The following SLC2A14 variants were observed in gnomAD, a reference collection of about 807,000 sequenced individuals.
SLC2A14 encodes the protein solute carrier family 2, facilitated glucose transporter member 14.
Under a neutral mutation model 43.0 loss-of-function variants are expected in SLC2A14, and 13 were observed. That is an observed-to-expected ratio of 0.30 (90% confidence interval 0.20 to 0.48). The LOEUF is 0.48. Among genes scored for constraint, SLC2A14 ranks in the 20% least tolerant of loss-of-function variants. The pLI is 0.99. For missense variants in SLC2A14, 428 were observed against 620.4 expected, an observed-to-expected ratio of 0.69 and a Z score of 3.29; for synonymous variants, 190 against 233.8, an observed-to-expected ratio of 0.81 and a Z score of 1.71.
intron 2 of SLC2A14, among the ~76,000 whole-genome samples, chr12:7,840,098 C>A (rs1865814980): frequency 7.4e-6 from 1 of 134,600 alleles, no homozygotes; most frequent in South Asian, 2.4e-4. Context: ...GGAGACAGAG[C>A]CAGACCCTGT....
chr12:7,883,590 C>CTTTTTTTTTTTTT (rs1204450230), intron 1 of SLC2A14, among the ~76,000 whole-genome samples: 7 of 95,212 alleles, frequency 7.4e-5, no homozygotes, highest in African/African-American at 2.3e-4. Context: ...TTTTTCTTTT[C>CTTTTTTTTTTTTT]TTTTTTTTTT....
intron 1 of SLC2A14, chr12:7,871,887 C>T (rs1945254387): frequency 2.0e-6 from 2 of 984,572 alleles, no homozygotes; most frequent in Non-Finnish European, 2.4e-6. Context: ...AGCAGCCACC[C>T]ATCGTGGGAG....
At chr12:7,850,708 T>G (rs1866864836) in intron 2 of SLC2A14, 1 of 152,216 alleles carries the variant, frequency 6.6e-6, no homozygotes, top group Non-Finnish European at 1.5e-5. Context: ...ATTTATTATT[T>G]ATTTATTTTT....
At chr12:7,890,164 A>AT (rs1945750977) in intron 1 of SLC2A14, among the ~76,000 whole-genome samples, 1 of 151,896 alleles carries the variant, frequency 6.6e-6, no homozygotes, top group Non-Finnish European at 1.5e-5. Context: ...TTTCAGCCTC[A>AT]TTTTACCCAG....
intron 10 of SLC2A14, 138 bp downstream of exon 10, chr12:7,817,693 A>T: frequency 9.6e-7 from 1 of 1,036,992 alleles, no homozygotes; most frequent in Non-Finnish European, 1.4e-6. Context: ...CTTGTCAGTG[A>T]GCTGAGATCG....
At chr12:7,882,408 A>C (rs1945598532) in intron 1 of SLC2A14, among the ~76,000 whole-genome samples, 1 of 151,800 alleles carries the variant, frequency 6.6e-6, no homozygotes, top group South Asian at 2.1e-4. Flanking sequence ...CTGTAACACT[A>C]ACCGCGAGGG....
intron 2 of SLC2A14, among the ~76,000 whole-genome samples, chr12:7,840,455 C>T (rs1242420736): frequency 2.6e-5 from 4 of 152,128 alleles, no homozygotes; most frequent in African/African-American, 9.7e-5. Flanking sequence ...TTTCGGCTCA[C>T]TGCAACCTCC....
chr12:7,876,828 C>T (rs1206546043), upstream of SLC2A14, among the ~76,000 whole-genome samples: 1 of 151,736 alleles, frequency 6.6e-6, no homozygotes, highest in East Asian at 1.9e-4. Flanking sequence ...TGGTGGCATA[C>T]GCCTGTAGTC....
intron 1 of SLC2A14, among the ~76,000 whole-genome samples, chr12:7,881,916 T>C (rs1456633631): frequency 6.6e-6 from 1 of 152,094 alleles, no homozygotes; most frequent in African/African-American, 2.4e-5. Flanking sequence ...GATGGGGACA[T>C]GGATAACTTT....
intron 2 of SLC2A14, among the ~76,000 whole-genome samples, chr12:7,861,381 T>C (rs1483985430): frequency 6.6e-6 from 1 of 152,146 alleles, no homozygotes; most frequent in Non-Finnish European, 1.5e-5. Context: ...ATTTCTGCTG[T>C]CTATTATCTG....
intron 7 of SLC2A14, among the ~76,000 whole-genome samples, chr12:7,827,042 CCTTTCTCTCTCTCTCTTT>C (rs1268065831): frequency 2.2e-5 from 3 of 136,570 alleles, no homozygotes; most frequent in African/African-American, 5.5e-5. Context: ...CTCTTTCTCT[CCTTTCTCTCTCTCTCTTT>C]CTTTCTCTCT....
intron 1 of SLC2A14, among the ~76,000 whole-genome samples, chr12:7,885,554 G>GTT (rs35993511): frequency 1.3e-3 from 188 of 148,676 alleles, no homozygotes; most frequent in Middle Eastern, 3.5e-3. Context: ...AAATTGGTAA[G>GTT]TTTTTTTTTT....
chr12:7,863,472 A>G (rs745808497), intron 2 of SLC2A14: 13 of 450,576 alleles, frequency 2.9e-5, no homozygotes, highest in Admixed American at 1.7e-4. Context: ...TAAAAATACA[A>G]AAAAATTAGC....
At chr12:7,840,048 C>T (rs1334834485) in intron 2 of SLC2A14, 1 of 322,654 alleles carries the variant, frequency 3.1e-6, no homozygotes, top group Non-Finnish European at 6.0e-6. Flanking sequence ...GGAGGTCAAG[C>T]CTGCAGTGAG....
chr12:7,826,853 C>CCTTCCTTCCTTTCTTT (rs139542085), intron 7 of SLC2A14, among the ~76,000 whole-genome samples: 1 of 34,424 alleles, frequency 2.9e-5, no homozygotes, highest in Admixed American at 3.0e-4. Context: ...TTCCTTCCTT[C>CCTTCCTTCCTTTCTTT]CTTTCTTTTT....
chr12:7,864,916 C>A (rs1944825917), intron 2 of SLC2A14, among the ~76,000 whole-genome samples: 1 of 152,154 alleles, frequency 6.6e-6, no homozygotes, highest in Non-Finnish European at 1.5e-5. Context: ...TTATGTCACT[C>A]TGGTTTCTGC....
chr12:7,834,213 C>G (rs1251624233), intron 2 of SLC2A14, among the ~76,000 whole-genome samples: 1 of 151,272 alleles, frequency 6.6e-6, no homozygotes, highest in Non-Finnish European at 1.5e-5. Context: ...AGTCTCATAA[C>G]TTTCCATCCC....
intron 2 of SLC2A14, chr12:7,840,034 C>T (rs1865808899): frequency 8.9e-6 from 3 of 338,352 alleles, no homozygotes; most frequent in Admixed American, 3.9e-5. Flanking sequence ...ATCACTTGAG[C>T]CCGGGAGGTC....
At chr12:7,822,515 C>A (rs1864002189) in intron 7 of SLC2A14, among the ~76,000 whole-genome samples, 1 of 151,490 alleles carries the variant, frequency 6.6e-6, no homozygotes, top group Admixed American at 6.6e-5. Context: ...AATACAAAAA[C>A]AAAATTAGCC....
Sources: gnomAD v4.1 joint callset for allele counts (sites outside exome capture counted in the v4.1 genomes callset) on GRCh38, gnomAD v4.1.1 for gene constraint, MANE v1.5 for transcripts, NCBI Gene and HGNC (gene_info 2026-07-23, HGNC 2026-07-21) for gene names.